Variants in IL1RAPL1 observed in about 807,000 individuals in gnomAD.
The protein encoded by IL1RAPL1 is interleukin-1 receptor accessory protein-like 1.
A neutral mutation model predicts 48.4 loss-of-function variants in IL1RAPL1; 3 were observed. The ratio of observed to expected loss-of-function variants is 0.06; its 90% confidence interval spans 0.03 to 0.16. The LOEUF is 0.16. Among genes scored for constraint, IL1RAPL1 ranks in the 10% least tolerant of loss-of-function variants. The probability of loss-of-function intolerance (pLI) is 1.00; values close to 1 mark genes in which losing one functional copy is unlikely to be tolerated. For missense variants in IL1RAPL1, 349 were observed against 530.6 expected, an observed-to-expected ratio of 0.66 and a Z score of 3.36; for synonymous variants, 185 against 187.7, an observed-to-expected ratio of 0.99 and a Z score of 0.12.
chrX:29,681,344 A>C (rs1926443244), intron 6 of IL1RAPL1, among the ~76,000 whole-genome samples: 1 of 112,260 alleles, frequency 8.9e-6, no homozygotes, highest in Non-Finnish European at 1.9e-5. Context: ...TATGATTTGT[A>C]ATGTGTTTGG....
intron 3 of IL1RAPL1, among the ~76,000 whole-genome samples, chrX:29,289,337 A>G (rs1042409536): frequency 1.8e-5 from 2 of 112,256 alleles, no homozygotes; most frequent in African/African-American, 6.5e-5. Flanking sequence ...TGAAAAGGCT[A>G]TGCTTCCTCC....
At chrX:29,852,265 A>G (rs949631752) in intron 6 of IL1RAPL1, among the ~76,000 whole-genome samples, 1 of 112,542 alleles carries the variant, frequency 8.9e-6, no homozygotes, top group Admixed American at 9.4e-5. Flanking sequence ...CTCTTAATGA[A>G]TAAGCTCATT....
intron 5 of IL1RAPL1, among the ~76,000 whole-genome samples, chrX:29,499,567 C>T (rs1001563919): frequency 2.7e-5 from 3 of 111,693 alleles, no homozygotes; most frequent in South Asian, 3.7e-4. Context: ...ATGTCAAATA[C>T]GAATATAAAA....
In IL1RAPL1 at chrX:28,790,092, G is replaced by A. The variant is rs111319504; in HGVS notation, c.82+667G>A. On this transcript the variant is annotated intron_variant, in intron 2 of 10. Transcript: ENST00000378993. Reference sequence around the variant, plus strand: ...TAAATACCATTATCAATGTGAAGTTGTATCTTGTCTAGTAAGTCACTAATA... The same window carrying A: ...TAAATACCATTATCAATGTGAAGTTATATCTTGTCTAGTAAGTCACTAATA... Among the ~76,000 whole-genome samples, 360 of 112,158 alleles carry A rather than the reference G, an allele frequency of 3.2e-3. 2 individuals carry two copies. The highest frequency in any genetic ancestry group is 0.011 in the African/African-American group (341 of 30,926).
chrX:28,871,562 T>C (rs1466837242), intron 2 of IL1RAPL1, among the ~76,000 whole-genome samples: 2 of 111,448 alleles, frequency 1.8e-5, no homozygotes, highest in Non-Finnish European at 3.8e-5. Context: ...ATTGCAAAAA[T>C]ATCATTTTTC....
At chrX:28,850,268 C>T (rs928322382) in intron 2 of IL1RAPL1, among the ~76,000 whole-genome samples, 3 of 111,309 alleles carry the variant, frequency 2.7e-5, no homozygotes, top group African/African-American at 6.5e-5. Flanking sequence ...GTGATGCTCA[C>T]GAAAATGCCC....
At chrX:29,638,577 C>T (rs907012124) in intron 5 of IL1RAPL1, among the ~76,000 whole-genome samples, 7 of 110,909 alleles carry the variant, frequency 6.3e-5, no homozygotes, top group African/African-American at 2.3e-4. Flanking sequence ...TGCTTTTATT[C>T]CTTGACAGTT....
intron 2 of IL1RAPL1, among the ~76,000 whole-genome samples, chrX:28,995,494 A>G (rs1569215595): frequency 9.0e-6 from 1 of 111,350 alleles, no homozygotes; most frequent in Non-Finnish European, 1.9e-5. Flanking sequence ...TTACTTTGCT[A>G]GAGATTGTTT....
chrX:29,449,493 A>T (rs1339968060), intron 5 of IL1RAPL1, among the ~76,000 whole-genome samples: 3 of 110,720 alleles, frequency 2.7e-5, no homozygotes, highest in Admixed American at 1.9e-4. Context: ...ATGTGTAACT[A>T]AAAGGAATAA....
chrX:29,453,847 C>T (rs1211928727), intron 5 of IL1RAPL1, among the ~76,000 whole-genome samples: 1 of 112,315 alleles, frequency 8.9e-6, no homozygotes, highest in Non-Finnish European at 1.9e-5. Flanking sequence ...AACTATAAAA[C>T]ATTTCAGCAT....
chrX:29,637,754 C>T (rs1023092225), intron 5 of IL1RAPL1, among the ~76,000 whole-genome samples: 3 of 111,529 alleles, frequency 2.7e-5, no homozygotes, highest in Non-Finnish European at 5.6e-5. Flanking sequence ...AGTATCTCAT[C>T]CCCTTTTGTA....
intron 2 of IL1RAPL1, among the ~76,000 whole-genome samples, chrX:29,121,694 T>C (rs1159787478): frequency 8.9e-6 from 1 of 111,948 alleles, no homozygotes; most frequent in African/African-American, 3.2e-5. Flanking sequence ...TGTGATTCAG[T>C]TGAGACCACT....
intron 1 of IL1RAPL1, among the ~76,000 whole-genome samples, chrX:28,625,867 C>G (rs956306055): frequency 1.8e-5 from 2 of 111,216 alleles, no homozygotes; most frequent in Admixed American, 9.6e-5. Context: ...ATAAGGGAAT[C>G]AGTTTATTTA....
At chrX:28,661,259 G>T (rs1934817999) in intron 1 of IL1RAPL1, among the ~76,000 whole-genome samples, 1 of 111,906 alleles carries the variant, frequency 8.9e-6, no homozygotes, top group Non-Finnish European at 1.9e-5. Flanking sequence ...TGCAACTGAT[G>T]CATGAAAATA....
chrX:29,333,531 G>A (rs1201273427), intron 3 of IL1RAPL1, among the ~76,000 whole-genome samples: 1 of 95,621 alleles, frequency 1.0e-5, no homozygotes, highest in African/African-American at 4.1e-5. Flanking sequence ...CCAGGCGGGG[G>A]GCTGATCCCC....
chrX:28,873,519 CTTTCTTTTT>C (rs1489881428), intron 2 of IL1RAPL1, among the ~76,000 whole-genome samples: 4 of 67,391 alleles, frequency 5.9e-5, no homozygotes, highest in Non-Finnish European at 7.9e-5. Flanking sequence ...TGTTTTCTTT[CTTTCTTTTT>C]TTTTTTTTTT....
At chrX:29,354,805 C>T (rs1006696957) in intron 3 of IL1RAPL1, among the ~76,000 whole-genome samples, 4 of 112,162 alleles carry the variant, frequency 3.6e-5, no homozygotes, top group African/African-American at 1.3e-4. Context: ...GTTCTTTCTA[C>T]CCTTCTACAT....
chrX:29,001,658 A>AT (rs1474188679), intron 2 of IL1RAPL1, among the ~76,000 whole-genome samples: 1 of 111,961 alleles, frequency 8.9e-6, no homozygotes, highest in Non-Finnish European at 1.9e-5. Context: ...AAATAAGTAT[A>AT]TTTTTTAAAG....
At chrX:29,909,334 G>A (rs1024444235) in intron 6 of IL1RAPL1, among the ~76,000 whole-genome samples, 2 of 111,581 alleles carry the variant, frequency 1.8e-5, no homozygotes, top group Admixed American at 1.9e-4. Flanking sequence ...AGGAGGATGA[G>A]GTGAGAGGAT....
Sources: allele counts gnomAD v4.1 joint callset (sites outside exome capture counted in the v4.1 genomes callset), GRCh38; gene constraint gnomAD v4.1.1; transcripts MANE v1.5; gene names NCBI Gene and HGNC (gene_info 2026-07-23, HGNC 2026-07-21).